Variants in NBPF12 observed in about 807,000 individuals in gnomAD.
NBPF12 encodes NBPF member 12, also known as NBPF family member NBPF12.
In NBPF12, 115 loss-of-function variants were observed where a neutral mutation model predicts 146.4. That is an observed-to-expected ratio of 0.79 (90% CI 0.68 to 0.92). NBPF12 has a LOEUF of 0.92. NBPF12 is among the 40% of genes least tolerant of loss of function. NBPF12 has a pLI of 0.00. For missense variants in NBPF12, 1,205 were observed against 1,326.8 expected (o/e 0.91, Z 1.43); for synonymous variants, 385 against 508.9 (o/e 0.76, Z 3.28).
At chr1:146,973,824 G>A (rs1351329746) in intron 14 of NBPF12, among the ~76,000 whole-genome samples, 1 of 147,266 alleles carries the variant, frequency 6.8e-6, no homozygotes, top group East Asian at 2.0e-4. Flanking sequence ...AGAATAAAAA[G>A]CAGAGAGTAG....
intron 15 of NBPF12, among the ~76,000 whole-genome samples, chr1:146,975,470 G>C (rs1656930169): frequency 1.3e-5 from 2 of 149,882 alleles, no homozygotes; most frequent in East Asian, 4.0e-4. Context: ...CATCATCGAG[G>C]ATCTTGCAGG....
intron 4 of NBPF12, among the ~76,000 whole-genome samples, chr1:146,960,697 A>G (rs1237718616): frequency 2.0e-4 from 30 of 151,924 alleles, no homozygotes; most frequent in Non-Finnish European, 3.7e-4. Context: ...GTGAACTTTT[A>G]TTCAGTTCAA....
At chr1:146,989,300 A>G (rs1657993436) in intron 27 of NBPF12, among the ~76,000 whole-genome samples, 1 of 145,872 alleles carries the variant, frequency 6.9e-6, no homozygotes, top group South Asian at 2.1e-4. Context: ...CTCCCTTACC[A>G]GTATGTCACC....
At chr1:146,968,811 C>A (rs1246745996) in intron 10 of NBPF12, among the ~76,000 whole-genome samples, 2 of 151,460 alleles carry the variant, frequency 1.3e-5, no homozygotes, top group Non-Finnish European at 2.9e-5. Context: ...ACAAAATTAA[C>A]CAAAGGAGTG....
chr1:146,984,577 C>CTGTGTGTGTG (rs1195588193), intron 21 of NBPF12, among the ~76,000 whole-genome samples: 57 of 132,782 alleles, frequency 4.3e-4, no homozygotes, highest in South Asian at 1.7e-3. Flanking sequence ...TGAGCTCACA[C>CTGTGTGTGTG]TGTGTGTGTG....
chr1:146,966,387 C>T, intron 8 of NBPF12, 77 bp from the exon 12 acceptor site: 1 of 1,190,966 alleles, frequency 8.4e-7, no homozygotes, highest in East Asian at 2.3e-5. Context: ...CTGCCAGTGA[C>T]ATCCCTCAGT....
intron 5 of NBPF12, 75 bp from the exon 9 acceptor site, chr1:146,963,020 A>C: frequency 1.3e-6 from 2 of 1,548,804 alleles, no homozygotes; most frequent in South Asian, 2.2e-5. Flanking sequence ...ATTGTCTCAG[A>C]AATCTCTGTT....
chr1:146,972,751 T>G (rs1269217988), exon 14 of NBPF12: 61 of 1,310,718 alleles, frequency 4.7e-5, no homozygotes, highest in Non-Finnish European at 6.7e-5. Flanking sequence ...TTCTCCCCAG[T>G]CCCTGGCCCC....
chr1:146,992,627 C>A (rs1658275472), intron 31 of NBPF12, 85 bp from the exon 35 acceptor site: 8 of 773,968 alleles, frequency 1.0e-5, no homozygotes, highest in Non-Finnish European at 1.7e-5. Flanking sequence ...TTAACCACTT[C>A]CTTATGCTAC....
chr1:146,966,959 G>T (rs1230762286), intron 9 of NBPF12, among the ~76,000 whole-genome samples: 2 of 150,712 alleles, frequency 1.3e-5, no homozygotes, highest in African/African-American at 5.0e-5. Flanking sequence ...AGGCTCAATC[G>T]TGTTTTCAAG....
intron 10 of NBPF12, among the ~76,000 whole-genome samples, chr1:146,968,987 C>G (rs1656387808): frequency 6.6e-6 from 1 of 151,524 alleles, no homozygotes; most frequent in Admixed American, 6.6e-5. Context: ...TCAATTCACC[C>G]CATCTGCATC....
At chr1:146,984,548 T>G (rs1553888354) in intron 21 of NBPF12, among the ~76,000 whole-genome samples, 4,045 of 150,204 alleles carry the variant, frequency 0.027, 77 homozygotes, top group Non-Finnish European at 0.043. Flanking sequence ...CTCATCAGTG[T>G]GTCACCCGGC....
chr1:146,975,918 C>T, intron 16 of NBPF12, 27 bp downstream of exon 19: 1 of 1,568,308 alleles, frequency 6.4e-7, no homozygotes, highest in Non-Finnish European at 8.7e-7. Context: ...CCCTGATGAC[C>T]CAAAACCCCA....
intron 2 of NBPF12, among the ~76,000 whole-genome samples, chr1:146,952,591 A>G (rs1655371433): frequency 1.3e-5 from 2 of 149,728 alleles, no homozygotes; most frequent in South Asian, 2.2e-4. Flanking sequence ...ACTTGGGGAT[A>G]TTAGTGTCAC....
At chr1:146,966,605 G>C in exon 9 of NBPF12, 1 of 1,499,218 alleles carries the variant, frequency 6.7e-7, no homozygotes, top group Non-Finnish European at 9.3e-7. Context: ...CAGCAGTTCA[G>C]AAGCCTCAAA....
chr1:146,980,850 A>T (rs1193236185), intron 19 of NBPF12, among the ~76,000 whole-genome samples: 4 of 142,150 alleles, frequency 2.8e-5, no homozygotes, highest in Admixed American at 2.2e-4. Flanking sequence ...TTGTGGCACT[A>T]TTCACAATAG....
At chr1:146,973,272 A>G (rs1312764200) in intron 14 of NBPF12, among the ~76,000 whole-genome samples, 1 of 151,326 alleles carries the variant, frequency 6.6e-6, no homozygotes, top group Non-Finnish European at 1.5e-5. Flanking sequence ...TCTCTGTACC[A>G]TATAAGATCC....
chr1:146,965,655 G>A (rs1244199625), intron 8 of NBPF12, among the ~76,000 whole-genome samples: 90 of 149,844 alleles, frequency 6.0e-4, no homozygotes, highest in African/African-American at 2.1e-3. Context: ...AGCTGGGCGC[G>A]GTGGTGGGCA....
chr1:146,944,298 C>G (rs1203146805), intron 2 of NBPF12, among the ~76,000 whole-genome samples: 1 of 139,312 alleles, frequency 7.2e-6, no homozygotes, highest in Non-Finnish European at 1.6e-5. Context: ...CACTACCCCA[C>G]GGAACCCACC....
Sources: allele counts gnomAD v4.1 joint callset (sites outside exome capture counted in the v4.1 genomes callset), GRCh38; gene constraint gnomAD v4.1.1; transcripts MANE v1.5; gene names NCBI Gene and HGNC (gene_info 2026-07-23, HGNC 2026-07-21).